STK33: variants seen among roughly 807,000 people sequenced by gnomAD.
STK33 encodes the protein serine/threonine-protein kinase 33.
A neutral mutation model predicts 58.0 loss-of-function variants in STK33; 52 were observed. That is an observed-to-expected ratio of 0.90 (90% CI 0.72 to 1.13). STK33 has a LOEUF of 1.13. STK33 is among the 50% of genes most tolerant of loss of function. The pLI, the probability that STK33 is intolerant of heterozygous loss-of-function variation, is 0.00. For synonymous variants in STK33, 215 were observed against 200.1 expected, an observed-to-expected ratio of 1.07 and a Z score of -0.63; for missense variants, 630 against 604.2, an observed-to-expected ratio of 1.04 and a Z score of -0.45.
At chr11:8,488,282 A>G (rs142650255) in intron 1 of STK33, among the ~76,000 whole-genome samples, 4 of 152,310 alleles carry the variant, frequency 2.6e-5, no homozygotes, top group South Asian at 2.1e-4. Context: ...GCAACAACAG[A>G]CTAACCAAAA....
chr11:8,553,180 ATATATATATATATATATGGTG>A (rs1182002958), intron 1 of STK33, among the ~76,000 whole-genome samples: 1,933 of 75,970 alleles, frequency 0.025, 48 homozygotes, highest in East Asian at 0.039. Flanking sequence ...ATATATATAT[ATATATATATATATATATGGTG>A]TATATATATA....
chr11:8,344,232 C>CA, the STK33 span, among the ~76,000 whole-genome samples: 1 of 151,822 alleles, frequency 6.6e-6, no homozygotes, highest in African/African-American at 2.4e-5. Flanking sequence ...CACACACACC[C>CA]CAGTTAGCTG....
At chr11:8,454,510 T>C (rs1228547211) in intron 10 of STK33, among the ~76,000 whole-genome samples, 1 of 152,194 alleles carries the variant, frequency 6.6e-6, no homozygotes, top group African/African-American at 2.4e-5. Flanking sequence ...TAACTAATGA[T>C]TTAGAATTAT....
chr11:8,373,749 G>A, the STK33 span, among the ~76,000 whole-genome samples: 1 of 152,166 alleles, frequency 6.6e-6, no homozygotes, highest in Non-Finnish European at 1.5e-5. Context: ...TGTGGGGCGT[G>A]GAGTTCCTGG....
chr11:8,565,186 C>T (rs1363843148), intron 1 of STK33, among the ~76,000 whole-genome samples: 1 of 152,082 alleles, frequency 6.6e-6, no homozygotes, highest in Non-Finnish European at 1.5e-5. Context: ...AGTGAAAGTA[C>T]AGGAGATGGA....
chr11:8,353,045 T>A, the STK33 span, among the ~76,000 whole-genome samples: 1 of 152,166 alleles, frequency 6.6e-6, no homozygotes, highest in Non-Finnish European at 1.5e-5. Context: ...CTTGAGGTCC[T>A]CAGCAGGGTC....
At chr11:8,346,143 C>A in the STK33 span, among the ~76,000 whole-genome samples, 2 of 152,162 alleles carry the variant, frequency 1.3e-5, no homozygotes, top group African/African-American at 4.8e-5. Flanking sequence ...TGGTGTCGTG[C>A]CCTGGAGCTA....
At chr11:8,495,613 A>G (rs1950999236) in intron 1 of STK33, among the ~76,000 whole-genome samples, 1 of 152,228 alleles carries the variant, frequency 6.6e-6, no homozygotes, top group Admixed American at 6.5e-5. Context: ...TACCCAAAGG[A>G]TTATACATCA....
the STK33 span, among the ~76,000 whole-genome samples, chr11:8,352,284 T>C: frequency 1.3e-5 from 2 of 152,118 alleles, no homozygotes; most frequent in Non-Finnish European, 1.5e-5. Context: ...TGAAGACTGA[T>C]GCTACCATGG....
intron 1 of STK33, among the ~76,000 whole-genome samples, chr11:8,517,933 G>T (rs548748928): frequency 6.6e-6 from 1 of 152,270 alleles, no homozygotes; most frequent in South Asian, 2.1e-4. Context: ...TATTATCCAG[G>T]AGAACTTCCC....
chr11:8,512,407 C>T (rs1952408807), intron 1 of STK33, among the ~76,000 whole-genome samples: 1 of 151,920 alleles, frequency 6.6e-6, no homozygotes, highest in African/African-American at 2.4e-5. Flanking sequence ...ACGAAGTATA[C>T]AAAGTGCTAC....
chr11:8,347,273 A>G, the STK33 span, among the ~76,000 whole-genome samples: 1 of 152,142 alleles, frequency 6.6e-6, no homozygotes, highest in Non-Finnish European at 1.5e-5. Flanking sequence ...TTTGGGCTTC[A>G]CTGGTCTCAG....
the STK33 span, among the ~76,000 whole-genome samples, chr11:8,351,762 T>C: frequency 1.3e-5 from 2 of 152,208 alleles, no homozygotes; most frequent in African/African-American, 4.8e-5. Flanking sequence ...ACAGATGCCA[T>C]GCCTGGTCCA....
At chr11:8,568,618 T>C (rs771704071) in intron 1 of STK33, among the ~76,000 whole-genome samples, 18 of 152,170 alleles carry the variant, frequency 1.2e-4, no homozygotes, top group Non-Finnish European at 2.5e-4. Context: ...TATCTGGAAA[T>C]ATAAAAGCAA....
the STK33 span, among the ~76,000 whole-genome samples, chr11:8,382,127 C>T: frequency 1.2e-4 from 18 of 152,334 alleles, no homozygotes; most frequent in African/African-American, 3.4e-4. Context: ...CTCCACTCCA[C>T]GAGGTCAGTC....
chr11:8,362,012 C>A, the STK33 span, among the ~76,000 whole-genome samples: 1 of 152,220 alleles, frequency 6.6e-6, no homozygotes, highest in Non-Finnish European at 1.5e-5. Context: ...CCAGATGTGA[C>A]ATCAGTTTGG....
intron 6 of STK33, among the ~76,000 whole-genome samples, chr11:8,470,237 A>C (rs1378693602): frequency 6.6e-6 from 1 of 152,248 alleles, no homozygotes; most frequent in African/African-American, 2.4e-5. Flanking sequence ...TGCAGCTTCT[A>C]CATCAGCACT....
chr11:8,560,757 T>C (rs992881264), intron 1 of STK33, among the ~76,000 whole-genome samples: 3 of 152,164 alleles, frequency 2.0e-5, no homozygotes, highest in Admixed American at 1.3e-4. Flanking sequence ...CACACATTAT[T>C]GTATTTAATC....
intron 1 of STK33, among the ~76,000 whole-genome samples, chr11:8,540,966 ATC>A (rs58020007): frequency 0.17 from 24,033 of 143,308 alleles, 2,174 homozygotes; most frequent in East Asian, 0.39. Context: ...CCATCTTACT[ATC>A]TCTCTCTCTC....
Sources: gnomAD v4.1 joint callset for allele counts (sites outside exome capture counted in the v4.1 genomes callset) on GRCh38, gnomAD v4.1.1 for gene constraint, MANE v1.5 for transcripts, NCBI Gene and HGNC (gene_info 2026-07-23, HGNC 2026-07-21) for gene names.